THSD4: variants seen among roughly 807,000 people sequenced by gnomAD.
THSD4 encodes thrombospondin type 1 domain containing 4.
Under a neutral mutation model 119.0 loss-of-function variants are expected in THSD4, and 69 were observed. That is an observed-to-expected ratio of 0.58 (90% CI 0.48 to 0.71). The LOEUF (loss-of-function observed/expected upper bound fraction) is 0.71. Among genes scored for constraint, THSD4 ranks in the 30% least tolerant of loss-of-function variants. The pLI is 0.00. For missense variants in THSD4, 1,393 were observed against 1,391.1 expected (o/e 1.00, Z -0.02); for synonymous variants, 524 against 540.4 (o/e 0.97, Z 0.42).
At chr15:71,591,002 T>A in intron 7 of THSD4, among the ~76,000 whole-genome samples, 1 of 13,704 alleles carries the variant, frequency 7.3e-5, no homozygotes, top group Non-Finnish European at 1.3e-4. Context: ...CAAGACTCCA[T>A]CTCAAAAAAA....
chr15:71,650,642 G>A (rs1470116406), intron 7 of THSD4, among the ~76,000 whole-genome samples: 8 of 152,158 alleles, frequency 5.3e-5, no homozygotes, highest in African/African-American at 9.7e-5. Flanking sequence ...AGAGCCAGCC[G>A]GAAGACACGT....
At chr15:71,744,741 A>G (rs1297757206) in intron 11 of THSD4, among the ~76,000 whole-genome samples, 2 of 152,236 alleles carry the variant, frequency 1.3e-5, no homozygotes, top group African/African-American at 4.8e-5. Flanking sequence ...TAGAAAAGTT[A>G]CTATTTGTGT....
At chr15:71,428,423 A>T (rs1181181318) in intron 7 of THSD4, among the ~76,000 whole-genome samples, 1 of 152,184 alleles carries the variant, frequency 6.6e-6, no homozygotes, top group Non-Finnish European at 1.5e-5. Context: ...ATATTGACAT[A>T]GGCTCAGACT....
chr15:71,592,724 C>G (rs925596844), intron 7 of THSD4, among the ~76,000 whole-genome samples: 59 of 151,980 alleles, frequency 3.9e-4, no homozygotes, highest in African/African-American at 1.4e-3. Context: ...TGGAACGTAG[C>G]CTGCCTCTAG....
chr15:71,340,177 C>G (rs1344353444), intron 6 of THSD4, among the ~76,000 whole-genome samples: 3 of 152,232 alleles, frequency 2.0e-5, no homozygotes, highest in African/African-American at 7.2e-5. Context: ...GTGTGTCTCC[C>G]TGACTGGACC....
intron 7 of THSD4, among the ~76,000 whole-genome samples, chr15:71,605,695 G>A (rs1471974936): frequency 1.3e-5 from 2 of 152,306 alleles, no homozygotes; most frequent in South Asian, 2.1e-4. Context: ...AAGTTTCTAG[G>A]GCCTTTTGGA....
chr15:71,646,841 T>A (rs764102157), intron 7 of THSD4, among the ~76,000 whole-genome samples: 1 of 152,212 alleles, frequency 6.6e-6, no homozygotes, highest in Non-Finnish European at 1.5e-5. Context: ...GCTGCAGCCC[T>A]GGGCACTCCC....
intron 8 of THSD4, among the ~76,000 whole-genome samples, chr15:71,662,219 T>C (rs1420944268): frequency 6.6e-6 from 1 of 151,474 alleles, no homozygotes. Flanking sequence ...CTACAGCTCT[T>C]CCATCCCCAT....
At chr15:71,728,992 C>G (rs2052921209) in intron 9 of THSD4, 1 of 475,946 alleles carries the variant, frequency 2.1e-6, no homozygotes, top group Non-Finnish European at 3.8e-6. Flanking sequence ...ACTTGTTGAA[C>G]CAAATCAGAG....
intron 7 of THSD4, among the ~76,000 whole-genome samples, chr15:71,442,668 A>G (rs112652960): frequency 0.43 from 15,854 of 36,902 alleles, 4,313 homozygotes; most frequent in East Asian, 0.61. Flanking sequence ...GTGTATATAT[A>G]TATATATATA....
chr15:71,431,672 A>G (rs1475283697), intron 7 of THSD4, among the ~76,000 whole-genome samples: 1 of 152,228 alleles, frequency 6.6e-6, no homozygotes, highest in African/African-American at 2.4e-5. Context: ...ACTTACAGAC[A>G]GAAACGTGGT....
chr15:71,765,258 C>A (rs553250751), intron 16 of THSD4, 59 bp downstream of exon 16: 2 of 1,542,834 alleles, frequency 1.3e-6, no homozygotes, highest in Admixed American at 2.0e-5. Context: ...ACCTGAACTC[C>A]TATAGACCCC....
At chr15:71,355,096 A>C (rs1021851616) in intron 6 of THSD4, among the ~76,000 whole-genome samples, 3 of 152,234 alleles carry the variant, frequency 2.0e-5, no homozygotes, top group Admixed American at 6.5e-5. Flanking sequence ...CCGTGAGTCA[A>C]GCCCTATGTT....
intron 5 of THSD4, among the ~76,000 whole-genome samples, chr15:71,247,095 A>G (rs1848615987): frequency 6.6e-6 from 1 of 151,998 alleles, no homozygotes. Flanking sequence ...ATGGGGTTTT[A>G]CCATGTTGGC....
intron 7 of THSD4, among the ~76,000 whole-genome samples, chr15:71,642,964 T>TA (rs1015985543): frequency 6.6e-6 from 1 of 151,988 alleles, no homozygotes; most frequent in African/African-American, 2.4e-5. Flanking sequence ...AATAAAAAAA[T>TA]AAAAAAGAGT....
At chr15:71,156,229 T>A (rs1048603555) in intron 3 of THSD4, among the ~76,000 whole-genome samples, 1 of 152,092 alleles carries the variant, frequency 6.6e-6, no homozygotes, top group African/African-American at 2.4e-5. Flanking sequence ...TGTGAGCAAG[T>A]TGGTCGGCTC....
chr15:71,144,978 T>C (rs1371655481), intron 2 of THSD4, among the ~76,000 whole-genome samples: 1 of 152,156 alleles, frequency 6.6e-6, no homozygotes, highest in Non-Finnish European at 1.5e-5. Flanking sequence ...GAATTATTTA[T>C]GTTTCTTAAA....
At position 71,781,057 on chromosome 15, in the gene THSD4, TG is replaced by T. The variant is rs2053990950; in HGVS notation, c.*3685del. On this transcript the variant is annotated 3_prime_UTR_variant, in exon 18 of 18. Transcript: ENST00000261862. ...AAACATGACTTCCCTTAAAACAGGC[TG>T]GATAATCTATATCAGCCTTGTGGGT... 1 of 315,826 alleles carries T rather than the reference TG, an allele frequency of 3.2e-6. No homozygotes were observed. The highest frequency in any genetic ancestry group is 6.3e-6 in the Non-Finnish European group (1 of 158,808). The allele number at this position is 315,826 out of a possible 1,614,324, so 19.6% of individuals were successfully genotyped here. A position where few individuals can be genotyped will look rare whatever the true frequency, so the allele number is the denominator to read the frequency against.
chr15:71,137,044 A>C (rs1427964425), intron 1 of THSD4, among the ~76,000 whole-genome samples: 1 of 152,184 alleles, frequency 6.6e-6, no homozygotes, highest in Non-Finnish European at 1.5e-5. Context: ...TGACTCATTC[A>C]ACCTTCCTGT....
Sources: allele counts gnomAD v4.1 joint callset (sites outside exome capture counted in the v4.1 genomes callset), GRCh38; gene constraint gnomAD v4.1.1; transcripts MANE v1.5; gene names NCBI Gene and HGNC (gene_info 2026-07-23, HGNC 2026-07-21).